The following TENM2 variants were observed in gnomAD, a reference collection of about 807,000 sequenced individuals.
The protein encoded by TENM2 is teneurin transmembrane protein 2.
TENM2 carries 52 observed loss-of-function variants against 245.2 expected under a neutral mutation model. The observed-to-expected ratio is 0.21, with a 90% CI of 0.17 to 0.27. The LOEUF (loss-of-function observed/expected upper bound fraction) is 0.27, where lower values mean the gene tolerates loss of function less well. TENM2 is among the 10% of genes least tolerant of loss of function. The pLI is 1.00. For synonymous variants in TENM2, 1,363 were observed against 1,438.9 expected (o/e 0.95, Z 1.19); for missense variants, 3,046 against 3,666.8 (o/e 0.83, Z 4.37).
chr5:167,546,226 T>A (rs1582350071), intron 2 of TENM2, among the ~76,000 whole-genome samples: 1 of 152,166 alleles, frequency 6.6e-6, no homozygotes, highest in East Asian at 1.9e-4. Flanking sequence ...GGAGAACACA[T>A]CCGGGCCAAG....
chr5:167,242,880 C>T, the TENM2 span, among the ~76,000 whole-genome samples: 1 of 152,158 alleles, frequency 6.6e-6, no homozygotes, highest in Admixed American at 6.5e-5. Context: ...GTCATCTGGA[C>T]TAGATTATGT....
intron 4 of TENM2, among the ~76,000 whole-genome samples, chr5:167,953,812 C>A (rs1174252206): frequency 1.3e-5 from 2 of 152,154 alleles, no homozygotes; most frequent in Non-Finnish European, 2.9e-5. Context: ...CCAGTGAATT[C>A]TCTTCACACA....
intron 5 of TENM2, among the ~76,000 whole-genome samples, chr5:168,023,566 C>T (rs995413881): frequency 7.2e-5 from 11 of 152,260 alleles, no homozygotes; most frequent in Admixed American, 5.9e-4. Context: ...GGGGATGCCT[C>T]AAGGGCAAAT....
intron 2 of TENM2, among the ~76,000 whole-genome samples, chr5:167,631,547 AG>A (rs1778875010): frequency 6.6e-6 from 1 of 152,132 alleles, no homozygotes; most frequent in African/African-American, 2.4e-5. Context: ...TGCAGGCCTT[AG>A]CATGGAATGT....
At chr5:167,171,808 A>T in the TENM2 span, among the ~76,000 whole-genome samples, 1 of 152,190 alleles carries the variant, frequency 6.6e-6, no homozygotes, top group Admixed American at 6.5e-5. Flanking sequence ...CCATTGGCTG[A>T]ATCAATAAGA....
chr5:167,981,372 G>C (rs1782823184), intron 4 of TENM2, among the ~76,000 whole-genome samples: 1 of 152,232 alleles, frequency 6.6e-6, no homozygotes, highest in Non-Finnish European at 1.5e-5. Flanking sequence ...GGTGAAGCCT[G>C]GAAGAGAAGA....
the TENM2 span, among the ~76,000 whole-genome samples, chr5:167,014,205 T>C: frequency 6.6e-6 from 1 of 151,196 alleles, no homozygotes; most frequent in African/African-American, 2.4e-5. Flanking sequence ...TTTTTAGACC[T>C]AAAGTTTCAT....
At chr5:168,187,415 G>T (rs12658804) in intron 13 of TENM2, 1 of 152,186 alleles carries the variant, frequency 6.6e-6, no homozygotes, top group Non-Finnish European at 1.5e-5. Context: ...TGGGTTGGAG[G>T]GGGAGGAAAT....
intron 2 of TENM2, among the ~76,000 whole-genome samples, chr5:167,608,329 G>T (rs1777204222): frequency 6.6e-6 from 1 of 152,188 alleles, no homozygotes; most frequent in African/African-American, 2.4e-5. Flanking sequence ...CTCCAGGGGA[G>T]TGTCTCCCAA....
the TENM2 span, among the ~76,000 whole-genome samples, chr5:167,166,919 G>A: frequency 6.6e-6 from 1 of 152,068 alleles, no homozygotes; most frequent in Non-Finnish European, 1.5e-5. Flanking sequence ...GATCAGTCTA[G>A]CCATGTACAC....
chr5:168,085,310 C>A (rs567744019), intron 7 of TENM2: 1 of 152,298 alleles, frequency 6.6e-6, no homozygotes, highest in South Asian at 2.1e-4. Context: ...TAAATTCTCC[C>A]CAGCTGCTGA....
At chr5:167,455,489 C>T (rs1403042751) in intron 2 of TENM2, among the ~76,000 whole-genome samples, 2 of 133,968 alleles carry the variant, frequency 1.5e-5, no homozygotes, top group African/African-American at 5.6e-5. Flanking sequence ...CTCCTGGGAA[C>T]ATTAAAATAA....
At chr5:168,075,063 G>A (rs753992308) in intron 7 of TENM2, among the ~76,000 whole-genome samples, 80 of 152,126 alleles carry the variant, frequency 5.3e-4, no homozygotes, top group Non-Finnish European at 9.1e-4. Flanking sequence ...TACCCAATGT[G>A]TAGTTTTTTT....
intron 2 of TENM2, among the ~76,000 whole-genome samples, chr5:167,683,220 T>G (rs1582741800): frequency 6.6e-6 from 1 of 151,712 alleles, no homozygotes; most frequent in East Asian, 1.9e-4. Flanking sequence ...CTGTATCCTC[T>G]AATATCTCTG....
intron 2 of TENM2, among the ~76,000 whole-genome samples, chr5:167,618,076 T>G (rs1777907648): frequency 6.6e-6 from 1 of 152,140 alleles, no homozygotes; most frequent in South Asian, 2.1e-4. Flanking sequence ...TGACAAAATT[T>G]ATCACTAATT....
intron 1 of TENM2, among the ~76,000 whole-genome samples, chr5:167,313,757 G>C (rs1228218909): frequency 6.6e-6 from 1 of 152,112 alleles, no homozygotes; most frequent in Middle Eastern, 3.2e-3. Context: ...CTCAGTTCTT[G>C]CTCTTCAACT....
At chr5:167,632,941 A>C (rs1015548456) in intron 2 of TENM2, among the ~76,000 whole-genome samples, 2 of 152,216 alleles carry the variant, frequency 1.3e-5, no homozygotes, top group African/African-American at 4.8e-5. Flanking sequence ...CATTTTCTGA[A>C]GTAAAATGAA....
At chr5:168,029,732 T>G (rs1786943846) in intron 5 of TENM2, among the ~76,000 whole-genome samples, 1 of 152,228 alleles carries the variant, frequency 6.6e-6, no homozygotes, top group African/African-American at 2.4e-5. Flanking sequence ...TCTGTCATCC[T>G]TAACTGGCAC....
chr5:167,123,298 G>A, the TENM2 span, among the ~76,000 whole-genome samples: 2 of 152,124 alleles, frequency 1.3e-5, no homozygotes, highest in Admixed American at 1.3e-4. Flanking sequence ...GCAGCCTGGG[G>A]CTTAGAGCAA....
Sources: gnomAD v4.1 joint callset for allele counts (sites outside exome capture counted in the v4.1 genomes callset) on GRCh38, gnomAD v4.1.1 for gene constraint, MANE v1.5 for transcripts, NCBI Gene and HGNC (gene_info 2026-07-23, HGNC 2026-07-21) for gene names.